The following GAS2 variants were observed in gnomAD, a reference collection of about 807,000 sequenced individuals.
GAS2 encodes the protein growth arrest specific 2.
GAS2 carries 20 observed loss-of-function variants against 37.5 expected under a neutral mutation model. The ratio of observed to expected loss-of-function variants is 0.53; its 90% CI spans 0.37 to 0.77. The LOEUF is 0.77. Among genes scored for constraint, GAS2 ranks in the 30% least tolerant of loss-of-function variants. GAS2 has a pLI of 0.00. For missense variants in GAS2, 336 were observed against 373.4 expected (o/e 0.90, Z 0.82); for synonymous variants, 144 against 132.2 (o/e 1.09, Z -0.61).
At chr11:22,776,853 G>T (rs1193715415) in intron 7 of GAS2, among the ~76,000 whole-genome samples, 4 of 152,156 alleles carry the variant, frequency 2.6e-5, no homozygotes, top group African/African-American at 4.8e-5. Context: ...ATTGGTTAGT[G>T]TATGTTTTTT....
chr11:22,733,396 C>A lies in GAS2; in HGVS notation c.410-4309C>A, dbSNP rs190632484. 2.0e-5 allele frequency among the ~76,000 whole-genome samples: 3 copies of A among 151,802 alleles called. No individual in the cohort carries two copies. The East Asian group carries it at 5.8e-4, about 29-fold the overall frequency. On this transcript the variant is annotated intron_variant, in intron 4 of 7. Transcript: ENST00000454584. ...TCAAGTTCCCTTACTAAATAAAAGG[C>A]TAAAAAGCTATTTTCTTCGACATTA...
chr11:22,746,992 G>T (rs1415768763), intron 5 of GAS2, among the ~76,000 whole-genome samples: 5 of 152,164 alleles, frequency 3.3e-5, no homozygotes, highest in Non-Finnish European at 5.9e-5. Context: ...ACCAGATGCT[G>T]TCTAGAATTC....
At chr11:22,684,627 C>T (rs752854123) in intron 2 of GAS2, among the ~76,000 whole-genome samples, 14 of 152,194 alleles carry the variant, frequency 9.2e-5, no homozygotes, top group East Asian at 1.9e-4. Flanking sequence ...TGCAGTGGCA[C>T]GATCTCAGCT....
chr11:22,766,299 T>C (rs1182818016), intron 7 of GAS2, among the ~76,000 whole-genome samples: 1 of 151,854 alleles, frequency 6.6e-6, no homozygotes, highest in Non-Finnish European at 1.5e-5. Flanking sequence ...GTTATCCTCA[T>C]AGTAACAATA....
intron 6 of GAS2, 137 bp downstream of exon 6, chr11:22,749,398 A>G (rs1445838563): frequency 1.4e-6 from 1 of 728,566 alleles, no homozygotes; most frequent in African/African-American, 1.8e-5. Flanking sequence ...CATATGAAAA[A>G]CTTTGTAGTC....
intron 5 of GAS2, among the ~76,000 whole-genome samples, chr11:22,748,470 T>C (rs1853536804): frequency 6.6e-6 from 1 of 152,076 alleles, no homozygotes; most frequent in African/African-American, 2.4e-5. Context: ...GCATTTATAA[T>C]TTGCAAAACA....
chr11:22,806,353 G>A (rs1266998963), intron 7 of GAS2, among the ~76,000 whole-genome samples: 2 of 152,046 alleles, frequency 1.3e-5, no homozygotes, highest in Admixed American at 1.3e-4. Context: ...ATCCATTAAC[G>A]GACATGTAGG....
chr11:22,696,726 C>T (rs1248394202), intron 3 of GAS2, among the ~76,000 whole-genome samples: 2 of 151,652 alleles, frequency 1.3e-5, no homozygotes, highest in African/African-American at 2.4e-5. Context: ...TGTTTTTTGG[C>T]TGCATAAATG....
chr11:22,649,568 G>A (rs1171042638), intron 1 of GAS2, among the ~76,000 whole-genome samples: 1 of 152,114 alleles, frequency 6.6e-6, no homozygotes, highest in Non-Finnish European at 1.5e-5. Flanking sequence ...TGGTTGGTAA[G>A]CTATTGATTA....
intron 1 of GAS2, among the ~76,000 whole-genome samples, chr11:22,641,661 A>C (rs960139290): frequency 3.9e-5 from 6 of 152,074 alleles, no homozygotes; most frequent in African/African-American, 1.2e-4. Context: ...ACTTCTGTAA[A>C]TATTAGGCTA....
chr11:22,737,598 A>G (rs1852821348), intron 4 of GAS2, 107 bp from the exon 5 acceptor site: 1 of 971,952 alleles, frequency 1.0e-6, no homozygotes, highest in Non-Finnish European at 1.7e-6. Flanking sequence ...AATGAAGACT[A>G]GATCCTTTCC....
At chr11:22,661,202 G>A (rs1848911652) in intron 1 of GAS2, among the ~76,000 whole-genome samples, 1 of 152,052 alleles carries the variant, frequency 6.6e-6, no homozygotes, top group Non-Finnish European at 1.5e-5. Flanking sequence ...ATTAATAACT[G>A]GTATTGTCTT....
chr11:22,727,167 C>T (rs1403914254), intron 4 of GAS2, among the ~76,000 whole-genome samples: 1 of 151,988 alleles, frequency 6.6e-6, no homozygotes, highest in African/African-American at 2.4e-5. Flanking sequence ...TCAAACTTTC[C>T]ATGTAGGCTC....
chr11:22,692,739 A>T (rs1311361251), intron 3 of GAS2, among the ~76,000 whole-genome samples: 1 of 152,134 alleles, frequency 6.6e-6, no homozygotes, highest in Non-Finnish European at 1.5e-5. Context: ...GGGACCCAAG[A>T]TATTTTCCTT....
At chr11:22,669,540 A>G (rs753151355) in intron 1 of GAS2, among the ~76,000 whole-genome samples, 1 of 152,200 alleles carries the variant, frequency 6.6e-6, no homozygotes, top group Non-Finnish European at 1.5e-5. Flanking sequence ...GATAAGAAAG[A>G]GATCTCTAAA....
intron 1 of GAS2, among the ~76,000 whole-genome samples, chr11:22,646,590 A>T (rs754770376): frequency 1.3e-4 from 20 of 152,260 alleles, no homozygotes; most frequent in Non-Finnish European, 2.5e-4. Flanking sequence ...ATTAAAGGAA[A>T]TATGCAACTG....
intron 2 of GAS2, among the ~76,000 whole-genome samples, chr11:22,677,936 A>G (rs1849505990): frequency 6.6e-6 from 1 of 151,874 alleles, no homozygotes; most frequent in Non-Finnish European, 1.5e-5. Context: ...AGACATTAAT[A>G]TATATAAATA....
At chr11:22,648,815 A>T (rs1381001963) in intron 1 of GAS2, among the ~76,000 whole-genome samples, 1 of 151,464 alleles carries the variant, frequency 6.6e-6, no homozygotes, top group East Asian at 1.9e-4. Context: ...CAGCTTAAGG[A>T]GCTGAGATAA....
chr11:22,789,571 C>G (rs1210573057), intron 7 of GAS2, among the ~76,000 whole-genome samples: 7 of 143,966 alleles, frequency 4.9e-5, no homozygotes, highest in Admixed American at 2.2e-4. Flanking sequence ...ACGCCATTCT[C>G]CTGCCTCAGC....
Sources: gnomAD v4.1 joint callset for allele counts (sites outside exome capture counted in the v4.1 genomes callset) on GRCh38, gnomAD v4.1.1 for gene constraint, MANE v1.5 for transcripts, NCBI Gene and HGNC (gene_info 2026-07-23, HGNC 2026-07-21) for gene names.